The following UTP15 variants were observed in gnomAD, a reference collection of about 807,000 sequenced individuals.
UTP15 encodes the protein U3 small nucleolar RNA-associated protein 15 homolog.
In UTP15, 5 loss-of-function variants were observed where a neutral mutation model predicts 59.1. That is an observed-to-expected ratio of 0.08 (90% confidence interval 0.04 to 0.18). The LOEUF (loss-of-function observed/expected upper bound fraction) is 0.18, where lower values mean the gene tolerates loss of function less well. UTP15 is among the 10% of genes least tolerant of loss of function. The probability of loss-of-function intolerance (pLI) is 1.00; values close to 1 mark genes in which losing one functional copy is unlikely to be tolerated. For synonymous variants in UTP15, 211 were observed against 212.2 expected, an observed-to-expected ratio of 0.99 and a Z score of 0.05; for missense variants, 494 against 616.7, an observed-to-expected ratio of 0.80 and a Z score of 2.11.
chr5:73,572,223 C>T (rs1747951783), intron 6 of UTP15, among the ~76,000 whole-genome samples: 1 of 152,158 alleles, frequency 6.6e-6, no homozygotes, highest in Admixed American at 6.5e-5. Context: ...TTAAAATGGA[C>T]TCTTTCAGTT....
At chr5:73,573,455 C>G (rs1260816077) in intron 7 of UTP15, among the ~76,000 whole-genome samples, 4 of 151,906 alleles carry the variant, frequency 2.6e-5, no homozygotes, top group Admixed American at 2.6e-4. Flanking sequence ...GCCATATTGC[C>G]CAGACTGGTC....
chr5:73,577,729 G>A, intron 8 of UTP15, 127 bp from the exon 9 acceptor site: 2 of 766,402 alleles, frequency 2.6e-6, no homozygotes, highest in Non-Finnish European at 4.1e-6. Context: ...CAGACTATGT[G>A]TATTTGAATG....
chr5:73,571,930 C>G (rs1682995872), intron 6 of UTP15, among the ~76,000 whole-genome samples: 1 of 152,194 alleles, frequency 6.6e-6, no homozygotes, highest in Non-Finnish European at 1.5e-5. Context: ...TGACCTCGGG[C>G]AATCCCTTAA....
intron 5 of UTP15, 89 bp from the exon 6 acceptor site, chr5:73,570,496 CT>C (rs1195026358): frequency 3.0e-6 from 4 of 1,353,000 alleles, no homozygotes; most frequent in East Asian, 2.5e-5. Flanking sequence ...TCCATCTAAG[CT>C]TTTTTTCCTT....
chr5:73,579,415 C>A, intron 12 of UTP15, 40 bp downstream of exon 12: 1 of 1,462,610 alleles, frequency 6.8e-7, no homozygotes, highest in Non-Finnish European at 9.4e-7. Flanking sequence ...AACATGCTTG[C>A]AAAAGTAGAG....
Position 73,580,294 on chromosome 5 carries a change from T to C in UTP15, c.*200T>C, listed in dbSNP as rs343119. 0.26 allele frequency: 124,805 copies of C among 472,402 alleles called. 16,965 individuals are homozygous for C. The highest frequency in any genetic ancestry group is 0.31 in the African/African-American group (15,650 of 50,538). 29.3% of individuals were successfully genotyped at this position (472,402 alleles called of 1,614,324 possible). A position where few individuals can be genotyped will look rare whatever the true frequency, so the allele number is the denominator to read the frequency against. On this transcript the variant is annotated 3_prime_UTR_variant, in exon 13 of 13. Transcript: ENST00000296792. ...GTTTTCCATGTAATATTTTGAATTATAGCATCTTCACCTAGAAGATCTCAA... is the reference window on the plus strand; with the variant it reads ...GTTTTCCATGTAATATTTTGAATTACAGCATCTTCACCTAGAAGATCTCAA...
chr5:73,578,097 A>G (rs1013675388), intron 9 of UTP15, 92 bp downstream of exon 9: 20 of 1,384,152 alleles, frequency 1.4e-5, no homozygotes, highest in South Asian at 2.6e-5. Flanking sequence ...CGTAGTTCAC[A>G]TGGCACTTTA....
chr5:73,566,504 C>A (rs1747771408), intron 1 of UTP15, among the ~76,000 whole-genome samples: 1 of 152,124 alleles, frequency 6.6e-6, no homozygotes. Flanking sequence ...ATTAAAGCAC[C>A]TTTTAAATAT....
At chr5:73,566,893 C>T (rs556190407) in intron 1 of UTP15, among the ~76,000 whole-genome samples, 143 of 152,282 alleles carry the variant, frequency 9.4e-4, no homozygotes, top group African/African-American at 3.2e-3. Context: ...TCATCTTAAA[C>T]TTGGTTTCAG....
rs774354603 is a variant in UTP15, at chr5:73,569,539, G to T, written c.411G>T (p.Val137=). 10 of 1,610,826 alleles carry T rather than the reference G, an allele frequency of 6.2e-6. No homozygotes were observed. The highest frequency in any genetic ancestry group is 7.6e-6 in the Non-Finnish European group (9 of 1,178,486). The change falls in exon 5 of 13, where the codon GTG becomes GTT. Residue 137 remains valine, a synonymous_variant. Coordinates refer to ENST00000296792, the MANE Select transcript of UTP15 (RefSeq NM_032175.4). ...ATTTTACAGCTGACAAATATCACGT[G>T]GTCTCTGGGGCTGATGATTATACAG... ...TVDFTADKYH[V]VSGADDYTVK... is the part of the protein sequence containing the mutation.
chr5:73,578,527 A>G (rs1025129064), intron 9 of UTP15: 4 of 467,882 alleles, frequency 8.5e-6, no homozygotes, highest in South Asian at 3.0e-5. Context: ...AGTTAAAATT[A>G]TAAGAGAGTA....
rs898321650 is a variant in UTP15, at chr5:73,581,629, T to C, written c.*1535T>C. 1 of 152,090 alleles carries C rather than the reference T, an allele frequency of 6.6e-6. No homozygotes were observed. Among genetic ancestry groups the C allele is most frequent in the African/African-American group, 2.4e-5 (1 of 41,416 alleles). 9.4% of individuals were successfully genotyped at this position (152,090 alleles called of 1,614,324 possible). A position where few individuals can be genotyped will look rare whatever the true frequency, so the allele number is the denominator to read the frequency against. Reference sequence around the variant, plus strand: ...TCAGGGTTTTTTTTTGTTTTTTTGTTTTTTTTAAGCCGAAAAAATGCTTAA... The same window carrying C: ...TCAGGGTTTTTTTTTGTTTTTTTGTCTTTTTTAAGCCGAAAAAATGCTTAA... On this transcript the variant is annotated 3_prime_UTR_variant, in exon 13 of 13. Transcript: ENST00000296792.
At chr5:73,567,943 A>T (rs574454133) in intron 2 of UTP15, among the ~76,000 whole-genome samples, 1 of 152,316 alleles carries the variant, frequency 6.6e-6, no homozygotes, top group East Asian at 1.9e-4. Flanking sequence ...TGGTTATTGT[A>T]TGCTGGTGTA....
chr5:73,575,726 CTT>C (rs539070897), intron 7 of UTP15, among the ~76,000 whole-genome samples: 5 of 139,844 alleles, frequency 3.6e-5, no homozygotes, highest in Non-Finnish European at 3.1e-5. Flanking sequence ...ATAATTTTTT[CTT>C]TTTTTTTTTT....
At chr5:73,573,848 A>G (rs1561277810) in intron 7 of UTP15, among the ~76,000 whole-genome samples, 2 of 152,070 alleles carry the variant, frequency 1.3e-5, no homozygotes, top group Non-Finnish European at 2.9e-5. Flanking sequence ...TGCTGGGATT[A>G]CAGGCATGAG....
chr5:73,571,159 A>T (rs542717556), intron 6 of UTP15, among the ~76,000 whole-genome samples: 2 of 151,702 alleles, frequency 1.3e-5, no homozygotes, highest in South Asian at 4.2e-4. Flanking sequence ...GCTCTTATGT[A>T]TTTAGCCCTG....
chr5:73,578,986 CTA>C, intron 10 of UTP15, 29 bp from the exon 11 acceptor site: 2 of 1,599,590 alleles, frequency 1.3e-6, no homozygotes, highest in Non-Finnish European at 8.5e-7. Flanking sequence ...GCTGTTTTGT[CTA>C]CTCATGTTGA....
chr5:73,567,410 T>G lies in UTP15; in HGVS notation c.66T>G (p.Asp22Glu), dbSNP rs1364163859. 1.9e-6 allele frequency: 3 copies of G among 1,609,510 alleles called. No individual in the cohort carries two copies. The Admixed American group carries it at 5.1e-5, about 27-fold the overall frequency. The change falls in exon 2 of 13, where the codon GAT (aspartate) becomes GAG (glutamate). Residue 22 changes from aspartate to glutamate, a missense_variant. Coordinates refer to ENST00000296792, the MANE Select transcript of UTP15 (RefSeq NM_032175.4). ...TACTTGGTGAAAAAATCACCCAAGA[T>G]ACACTGTACTGGAACAACTATAAGG... is the stretch of plus-strand genomic sequence containing the variant. ...YPILGEKITQ[D>E]TLYWNNYKTP...
chr5:73,578,439 G>A, intron 9 of UTP15: 1 of 322,490 alleles, frequency 3.1e-6, no homozygotes, highest in Non-Finnish European at 5.8e-6. Flanking sequence ...TCTTTCTACT[G>A]TACCACACTG....
Sources: gnomAD v4.1 joint callset for allele counts (sites outside exome capture counted in the v4.1 genomes callset) on GRCh38, gnomAD v4.1.1 for gene constraint, MANE v1.5 for transcripts, NCBI Gene and HGNC (gene_info 2026-07-23, HGNC 2026-07-21) for gene names.